RBFOX1: variants seen among roughly 807,000 people sequenced by gnomAD.
RBFOX1 encodes RNA binding fox-1 homolog 1, also known as RNA binding protein fox-1 homolog 1.
In RBFOX1, 8 loss-of-function variants were observed where a neutral mutation model predicts 57.7. The observed-to-expected ratio is 0.14, with a 90% CI of 0.08 to 0.25. The LOEUF is 0.25. Ranked by LOEUF, RBFOX1 falls within the 10% of genes least tolerant of loss-of-function variation. The pLI is 1.00. For missense variants in RBFOX1, 611 were observed against 548.5 expected (o/e 1.11, Z -1.14); for synonymous variants, 326 against 222.4 (o/e 1.47, Z -4.15).
chr16:7,587,905 G>A (rs531579493), intron 7 of RBFOX1, among the ~76,000 whole-genome samples: 3 of 152,300 alleles, frequency 2.0e-5, no homozygotes, highest in East Asian at 3.9e-4. Flanking sequence ...CAGAAATATG[G>A]GCTGGGTGCA....
chr16:6,210,401 G>A (rs7498427), intron 1 of RBFOX1, among the ~76,000 whole-genome samples: 1 of 136,394 alleles, frequency 7.3e-6, no homozygotes, highest in Admixed American at 7.4e-5. Flanking sequence ...AAGGAAAGAA[G>A]GAAGGGGAAA....
At chr16:6,574,405 G>A (rs1371047446) in intron 2 of RBFOX1, among the ~76,000 whole-genome samples, 1 of 147,746 alleles carries the variant, frequency 6.8e-6, no homozygotes, top group African/African-American at 2.5e-5. Context: ...TGTAGCAAGG[G>A]TTTCTGTCCG....
chr16:5,799,186 CT>C (rs1014455595), intron 3 of RBFOX1, among the ~76,000 whole-genome samples: 23 of 151,988 alleles, frequency 1.5e-4, no homozygotes, highest in African/African-American at 5.1e-4. Context: ...AGGGAAACCC[CT>C]TATAAAACCA....
At chr16:7,298,483 G>A (rs1764944406) in intron 4 of RBFOX1, among the ~76,000 whole-genome samples, 1 of 151,638 alleles carries the variant, frequency 6.6e-6, no homozygotes, top group Non-Finnish European at 1.5e-5. Flanking sequence ...GTTGAGAGAG[G>A]GTTTCACCAT....
intron 2 of RBFOX1, among the ~76,000 whole-genome samples, chr16:5,508,930 A>G (rs2151716845): frequency 6.6e-6 from 1 of 152,310 alleles, no homozygotes; most frequent in South Asian, 2.1e-4. Flanking sequence ...TCTCCAGCAT[A>G]GGAACCCTCT....
intron 1 of RBFOX1, among the ~76,000 whole-genome samples, chr16:6,212,659 A>T (rs1321384572): frequency 1.1e-4 from 17 of 152,136 alleles, no homozygotes; most frequent in Admixed American, 5.2e-4. Flanking sequence ...GTGAGCTGAG[A>T]TCGTGCCACT....
chr16:6,070,641 C>G (rs1036480428), intron 1 of RBFOX1, among the ~76,000 whole-genome samples: 2 of 151,284 alleles, frequency 1.3e-5, no homozygotes, highest in African/African-American at 2.4e-5. Context: ...CCTTGTTAAA[C>G]TGAGTAATCA....
At chr16:6,158,168 A>G (rs1471412265) in intron 1 of RBFOX1, among the ~76,000 whole-genome samples, 2 of 152,232 alleles carry the variant, frequency 1.3e-5, no homozygotes, top group Non-Finnish European at 2.9e-5. Flanking sequence ...TTTAGTCACT[A>G]GGTATCAGAC....
At chr16:5,838,906 C>T (rs574173608) in intron 3 of RBFOX1, among the ~76,000 whole-genome samples, 2 of 152,320 alleles carry the variant, frequency 1.3e-5, no homozygotes, top group South Asian at 2.1e-4. Flanking sequence ...AGTTTCCTTG[C>T]TCAAGATGAC....
intron 3 of RBFOX1, among the ~76,000 whole-genome samples, chr16:6,942,079 A>AATG (rs1253818978): frequency 6.6e-6 from 1 of 152,064 alleles, no homozygotes; most frequent in Non-Finnish European, 1.5e-5. Flanking sequence ...AAATAATAAT[A>AATG]ATAATAAAAA....
chr16:6,213,773 A>G (rs1028529769), intron 1 of RBFOX1, among the ~76,000 whole-genome samples: 5 of 152,232 alleles, frequency 3.3e-5, no homozygotes, highest in Admixed American at 6.5e-5. Flanking sequence ...GCGAAAGCGC[A>G]TTCACCATGC....
intron 3 of RBFOX1, among the ~76,000 whole-genome samples, chr16:6,997,492 T>A (rs1167413591): frequency 1.3e-5 from 2 of 152,192 alleles, no homozygotes; most frequent in African/African-American, 2.4e-5. Context: ...ACAATTTTAA[T>A]TTGTATCTTT....
intron 3 of RBFOX1, among the ~76,000 whole-genome samples, chr16:5,629,592 A>G (rs975928112): frequency 3.3e-5 from 5 of 152,188 alleles, no homozygotes; most frequent in Admixed American, 6.5e-5. Context: ...CTTAGGACCA[A>G]TGCCTTCTGG....
intron 4 of RBFOX1, among the ~76,000 whole-genome samples, chr16:7,167,283 G>C (rs1030939607): frequency 8.6e-5 from 13 of 151,924 alleles, no homozygotes; most frequent in African/African-American, 3.1e-4. Flanking sequence ...ACCACACCTG[G>C]CTGAAAATAG....
chr16:7,387,292 C>G (rs1281743715), intron 4 of RBFOX1, among the ~76,000 whole-genome samples: 2 of 152,044 alleles, frequency 1.3e-5, no homozygotes, highest in Non-Finnish European at 2.9e-5. Flanking sequence ...GAGCTATGTT[C>G]TATTTTTATC....
intron 3 of RBFOX1, among the ~76,000 whole-genome samples, chr16:7,023,594 A>AAAAAAAAAAAAAAAAAAAAAC (rs2039981049): frequency 1.4e-5 from 2 of 146,738 alleles, no homozygotes; most frequent in Admixed American, 6.8e-5. Flanking sequence ...AAAAAAAAAA[A>AAAAAAAAAAAAAAAAAAAAAC]TTAGCTTGCC....
chr16:5,600,447 C>G (rs1596394129), downstream of RBFOX1, among the ~76,000 whole-genome samples: 2 of 147,342 alleles, frequency 1.4e-5, no homozygotes, highest in African/African-American at 2.6e-5. Context: ...GATTATGCCA[C>G]TGCACTCCAG....
chr16:5,921,170 C>T (rs1222967473), intron 4 of RBFOX1, among the ~76,000 whole-genome samples: 2 of 152,182 alleles, frequency 1.3e-5, no homozygotes, highest in South Asian at 2.1e-4. Flanking sequence ...CCATAGAAAG[C>T]AGTGGAATTT....
At chr16:7,186,994 C>CAAAAAAAAAAAAAAA (rs35177784) in intron 4 of RBFOX1, among the ~76,000 whole-genome samples, 7 of 69,262 alleles carry the variant, frequency 1.0e-4, no homozygotes, top group African/African-American at 4.5e-4. Context: ...CCCACCTCCA[C>CAAAAAAAAAAAAAAA]AAAAAAAAAA....
Sources: gnomAD v4.1 joint callset for allele counts (sites outside exome capture counted in the v4.1 genomes callset) on GRCh38, gnomAD v4.1.1 for gene constraint, MANE v1.5 for transcripts, NCBI Gene and HGNC (gene_info 2026-07-23, HGNC 2026-07-21) for gene names.